Variants in SMARCAD1 observed in about 807,000 individuals in gnomAD.
SMARCAD1 encodes SNF2 related chromatin remodeling ATPase with DExD box 1, also known as SWI/SNF-related matrix-associated actin-dependent regulator of chromatin subfamily A containing DEAD/H box 1.
Under a neutral mutation model 127.1 loss-of-function variants are expected in SMARCAD1, and 25 were observed. The observed-to-expected ratio is 0.20, with a 90% CI of 0.14 to 0.27. The LOEUF is 0.27. SMARCAD1 is among the 10% of genes least tolerant of loss of function. The probability of loss-of-function intolerance (pLI) is 1.00; values close to 1 mark genes in which losing one functional copy is unlikely to be tolerated. For missense variants in SMARCAD1, 807 were observed against 1,206.0 expected (o/e 0.67, Z 4.90); for synonymous variants, 400 against 396.9 (o/e 1.01, Z -0.09).
At chr4:94,262,220 G>A (rs1310648322) in intron 9 of SMARCAD1, among the ~76,000 whole-genome samples, 2 of 152,054 alleles carry the variant, frequency 1.3e-5, no homozygotes, top group African/African-American at 2.4e-5. Flanking sequence ...CGAAAATTTG[G>A]TAGCTGCCCC....
intron 23 of SMARCAD1, among the ~76,000 whole-genome samples, chr4:94,286,052 T>C (rs1754888093): frequency 6.6e-6 from 1 of 152,218 alleles, no homozygotes; most frequent in Admixed American, 6.5e-5. Flanking sequence ...CTAACAAGTT[T>C]CTAAATATAA....
In SMARCAD1 at chr4:94,291,190, G is replaced by T; in HGVS notation, c.*1656G>T. On this transcript the variant is annotated 3_prime_UTR_variant, in exon 24 of 24. Transcript: ENST00000354268. The stretch of plus-strand genomic sequence containing the variant: ...TGTTTCTTTTTTTGTTGTTATTGTT[G>T]TTGTTGTTATATCCATACTTTTATC... 1 of 453,788 alleles carries T rather than the reference G, an allele frequency of 2.2e-6. No homozygotes were observed. Among genetic ancestry groups the T allele is most frequent in the Non-Finnish European group, 4.4e-6 (1 of 226,624 alleles). 28.1% of individuals were successfully genotyped at this position (453,788 alleles called of 1,614,324 possible). A position where few individuals can be genotyped will look rare whatever the true frequency, so the allele number is the denominator to read the frequency against.
intron 6 of SMARCAD1, among the ~76,000 whole-genome samples, chr4:94,241,789 T>A (rs1018064531): frequency 1.3e-5 from 2 of 152,162 alleles, no homozygotes; most frequent in African/African-American, 4.8e-5. Flanking sequence ...CAGATTAATC[T>A]TGGTGTAGAA....
At chr4:94,280,989 C>T (rs1753932641) in intron 20 of SMARCAD1, among the ~76,000 whole-genome samples, 1 of 151,818 alleles carries the variant, frequency 6.6e-6, no homozygotes, top group Non-Finnish European at 1.5e-5. Flanking sequence ...AGTTAGTAGA[C>T]TGTATCTGTA....
chr4:94,244,658 G>A (rs1488680443), intron 6 of SMARCAD1, among the ~76,000 whole-genome samples: 1 of 151,864 alleles, frequency 6.6e-6, no homozygotes, highest in Non-Finnish European at 1.5e-5. Context: ...TGAGGTTCAT[G>A]TCAGGTATAG....
At chr4:94,227,116 T>C (rs564376181) in intron 3 of SMARCAD1, among the ~76,000 whole-genome samples, 1 of 152,220 alleles carries the variant, frequency 6.6e-6, no homozygotes, top group South Asian at 2.1e-4. Flanking sequence ...GGTGAGAAAG[T>C]GAACCATGTA....
At chr4:94,227,717 A>G (rs1364219079) in intron 3 of SMARCAD1, among the ~76,000 whole-genome samples, 1 of 152,184 alleles carries the variant, frequency 6.6e-6, no homozygotes, top group Non-Finnish European at 1.5e-5. Context: ...TGAACATGCT[A>G]TGATTGAGAA....
chr4:94,238,598 G>A (rs576774627), intron 5 of SMARCAD1, among the ~76,000 whole-genome samples: 6 of 152,162 alleles, frequency 3.9e-5, no homozygotes, highest in Non-Finnish European at 8.8e-5. Flanking sequence ...GAGTGACAGA[G>A]CAAGACCCTG....
intron 2 of SMARCAD1, among the ~76,000 whole-genome samples, chr4:94,223,221 G>A (rs892125361): frequency 6.6e-6 from 1 of 151,912 alleles, no homozygotes; most frequent in Non-Finnish European, 1.5e-5. Context: ...AGGGCCGGGC[G>A]TGGTAGCTCA....
chr4:94,275,796 C>CTTTTTTTTTTTTT lies in SMARCAD1; in HGVS notation c.1809-537_1809-525dup, dbSNP rs535710589. Among the ~76,000 whole-genome samples the CTTTTTTTTTTTTT allele has an allele frequency of 2.8e-4, 24 of 85,398 alleles. 1 individual carries two copies. The highest frequency in any genetic ancestry group is 3.4e-4 in the African/African-American group (9 of 26,728). 56.0% of individuals were successfully genotyped at this position (85,398 alleles called of 152,430 possible). ...TGTCCGATTGTAACATTAACATTTT[C>CTTTTTTTTTTTTT]TTTTTTTTTTTTTTTTTTGAGACGG... On this transcript the variant is annotated intron_variant, in intron 14 of 23. Transcript: ENST00000354268.
chr4:94,275,948 C>T (rs1753236209), intron 14 of SMARCAD1, among the ~76,000 whole-genome samples: 1 of 151,834 alleles, frequency 6.6e-6, no homozygotes. Context: ...CAGGCGCCCA[C>T]CACCACACCC....
chr4:94,276,979 C>A lies in SMARCAD1; in HGVS notation c.1945-43C>A, dbSNP rs777604552. ...GGGAGGATAGACATGAAAGGAGTGG[C>A]TCTTTAAGAAAAAGCTAATATAAAT... On this transcript the variant is annotated intron_variant, in intron 15 of 23. Coordinates refer to ENST00000354268, the MANE Select transcript of SMARCAD1 (RefSeq NM_020159.5). The A allele has an allele frequency of 1.9e-6, 3 of 1,611,778 alleles. No individual in the cohort carries two copies. The East Asian group carries it at 6.7e-5, about 36-fold the overall frequency.
Position 94,280,785 on chromosome 4 carries a change from T to TA in SMARCAD1, c.2607+11dup. The stretch of plus-strand genomic sequence containing the variant: ...TTGTCTGAATTGAAACAGAAGGTAT[T>TA]AAAAAAGAATGGCGTTTCTTTTGTA... On this transcript the variant is annotated splice_donor_region_variant and intron_variant, in intron 20 of 23. Coordinates refer to ENST00000354268, the MANE Select transcript of SMARCAD1 (RefSeq NM_020159.5). 6.2e-7 allele frequency: 1 copy of TA among 1,612,902 alleles called. No individual in the cohort carries two copies. Among genetic ancestry groups the TA allele is most frequent in the South Asian group, 1.1e-5 (1 of 90,862 alleles).
intron 5 of SMARCAD1, among the ~76,000 whole-genome samples, chr4:94,237,454 T>A (rs1746844654): frequency 6.6e-6 from 1 of 151,664 alleles, no homozygotes; most frequent in African/African-American, 2.4e-5. Flanking sequence ...GCGTGTCCAG[T>A]TTTTAAATAA....
At chr4:94,250,709 T>C in intron 7 of SMARCAD1, 43 bp from the exon 8 acceptor site, 1 of 1,394,734 alleles carries the variant, frequency 7.2e-7, no homozygotes, top group South Asian at 1.3e-5. Context: ...TGCAAGTTGC[T>C]AATTTGAGAT....
At chr4:94,267,095 A>C (rs780599843) in intron 10 of SMARCAD1, among the ~76,000 whole-genome samples, 1 of 149,568 alleles carries the variant, frequency 6.7e-6, no homozygotes. Context: ...GATTTCTCAC[A>C]TGTTCAGAAT....
rs1382280678 is a variant in SMARCAD1, at chr4:94,284,344, AAAAAAAAAAG to A, written c.2910-609_2910-600del. On this transcript the variant is annotated intron_variant, in intron 22 of 23. Transcript: ENST00000354268. ...TCCGTCTCAAAAAAAAAAAAAAAAA[AAAAAAAAAAG>A]AAAAAAGTAATTTCCATCTGAACAC... Among the ~76,000 whole-genome samples, 20 of 104,936 alleles carry A rather than the reference AAAAAAAAAAG, an allele frequency of 1.9e-4. 1 individual carries two copies. The highest frequency in any genetic ancestry group is 1.0e-3 in the South Asian group (3 of 2,934). 68.8% of individuals were successfully genotyped at this position (104,936 alleles called of 152,430 possible).
Position 94,290,160 on chromosome 4 carries a change from C to T in SMARCAD1, c.*626C>T, listed in dbSNP as rs528754759. 9.7e-4 allele frequency: 440 copies of T among 454,392 alleles called. No individual in the cohort carries two copies. Among genetic ancestry groups the T allele is most frequent in the Non-Finnish European group, 1.6e-3 (364 of 226,762 alleles). 28.1% of individuals were successfully genotyped at this position (454,392 alleles called of 1,614,324 possible). A position where few individuals can be genotyped will look rare whatever the true frequency, so the allele number is the denominator to read the frequency against. On this transcript the variant is annotated 3_prime_UTR_variant, in exon 24 of 24. Transcript: ENST00000354268. ...TGAAACAAATTTATTTGGCTAGGCA[C>T]TAAGTTGTTTTCCAGTGAATAGTAA...
rs1467972843 is a variant in SMARCAD1 at position 94,240,398 on chromosome 4, C to CT, written c.605-507dup. ...TTTGTTGCTTAAGCTCTCTGTATCT[C>CT]TATCCTCCTCATTTGTGAAATAAAA... On this transcript the variant is annotated intron_variant, in intron 5 of 23. Coordinates refer to ENST00000354268, the MANE Select transcript of SMARCAD1 (RefSeq NM_020159.5). Among the ~76,000 whole-genome samples the CT allele has an allele frequency of 2.0e-5, 3 of 152,302 alleles. No individual in the cohort carries two copies. In the East Asian group the frequency reaches 5.8e-4, roughly 29 times the overall value.
Sources: allele counts gnomAD v4.1 joint callset (sites outside exome capture counted in the v4.1 genomes callset), GRCh38; gene constraint gnomAD v4.1.1; transcripts MANE v1.5; gene names NCBI Gene and HGNC (gene_info 2026-07-23, HGNC 2026-07-21).